Variants in UBE3D observed in about 807,000 individuals in gnomAD.
The protein encoded by UBE3D is ubiquitin protein ligase E3D.
UBE3D carries 48 observed loss-of-function variants against 49.6 expected under a neutral mutation model. The ratio of observed to expected loss-of-function variants is 0.97; its 90% CI spans 0.77 to 1.23. The LOEUF (loss-of-function observed/expected upper bound fraction) is 1.23, where lower values mean the gene tolerates loss of function less well. UBE3D is among the 50% of genes most tolerant of loss of function. The pLI is 0.00. For missense variants in UBE3D, 452 were observed against 468.4 expected (o/e 0.96, Z 0.32); for synonymous variants, 189 against 174.2 (o/e 1.08, Z -0.67).
chr6:82,930,456 T>C (rs771234635), intron 9 of UBE3D, among the ~76,000 whole-genome samples: 15 of 151,950 alleles, frequency 9.9e-5, no homozygotes, highest in Admixed American at 2.0e-4. Flanking sequence ...CAGAAGAAGA[T>C]AGGAAAATGT....
intron 8 of UBE3D, among the ~76,000 whole-genome samples, chr6:82,995,192 A>G (rs1191724628): frequency 6.6e-6 from 1 of 152,226 alleles, no homozygotes; most frequent in Non-Finnish European, 1.5e-5. Flanking sequence ...CCAAGAAGAA[A>G]CCATGAATAA....
intron 9 of UBE3D, among the ~76,000 whole-genome samples, chr6:82,940,803 G>C (rs1386792926): frequency 6.6e-6 from 1 of 152,182 alleles, no homozygotes; most frequent in Non-Finnish European, 1.5e-5. Context: ...ACAGAGGAAA[G>C]AGCAGAGTAT....
intron 3 of UBE3D, among the ~76,000 whole-genome samples, chr6:83,047,524 C>T (rs1027882619): frequency 6.6e-6 from 1 of 151,874 alleles, no homozygotes; most frequent in Non-Finnish European, 1.5e-5. Flanking sequence ...GGGGAGACAA[C>T]AGTCCCCAGA....
At chr6:82,992,661 C>T (rs1417184120) in intron 8 of UBE3D, among the ~76,000 whole-genome samples, 1 of 152,102 alleles carries the variant, frequency 6.6e-6, no homozygotes, top group East Asian at 1.9e-4. Flanking sequence ...GGGAAATGGG[C>T]ACTATGGGTC....
chr6:82,981,816 A>C (rs1778137588), intron 8 of UBE3D, among the ~76,000 whole-genome samples: 1 of 152,152 alleles, frequency 6.6e-6, no homozygotes, highest in South Asian at 2.1e-4. Flanking sequence ...AGGATATTTA[A>C]AAATTATTCT....
intron 9 of UBE3D, among the ~76,000 whole-genome samples, chr6:82,952,978 C>T (rs557371413): frequency 1.3e-5 from 2 of 152,302 alleles, no homozygotes; most frequent in African/African-American, 2.4e-5. Flanking sequence ...CTGGTTCCAA[C>T]CTGATTGCTT....
At chr6:82,975,417 A>T (rs564290559) in intron 8 of UBE3D, among the ~76,000 whole-genome samples, 23 of 152,202 alleles carry the variant, frequency 1.5e-4, no homozygotes, top group Non-Finnish European at 3.1e-4. Context: ...GTAAATGTAC[A>T]TAAAGAGGTG....
At chr6:82,948,565 A>G (rs1775566441) in intron 9 of UBE3D, among the ~76,000 whole-genome samples, 1 of 152,104 alleles carries the variant, frequency 6.6e-6, no homozygotes, top group African/African-American at 2.4e-5. Context: ...CATTAAAAAA[A>G]GAAAACTACA....
chr6:83,044,784 C>A, intron 3 of UBE3D, 125 bp from the exon 4 acceptor site: 1 of 783,856 alleles, frequency 1.3e-6, no homozygotes, highest in Non-Finnish European at 2.0e-6. Context: ...ATTTTTTCCC[C>A]AATTATAAAA....
intron 8 of UBE3D, among the ~76,000 whole-genome samples, chr6:82,958,819 T>A (rs867263506): frequency 5.3e-5 from 8 of 152,220 alleles, no homozygotes; most frequent in African/African-American, 4.8e-5. Context: ...TACATGGGGA[T>A]CTTTACAAGT....
intron 8 of UBE3D, among the ~76,000 whole-genome samples, chr6:82,962,424 C>T (rs576228006): frequency 1.3e-5 from 2 of 152,258 alleles, no homozygotes; most frequent in South Asian, 2.1e-4. Flanking sequence ...AGCCTAATTT[C>T]CTCACAGGAC....
intron 3 of UBE3D, among the ~76,000 whole-genome samples, chr6:83,052,424 C>T (rs1316580173): frequency 6.6e-6 from 1 of 152,134 alleles, no homozygotes; most frequent in East Asian, 1.9e-4. Context: ...AACACCTAAA[C>T]CAACCCAGGG....
chr6:82,911,573 C>T (rs1001322567), intron 9 of UBE3D, among the ~76,000 whole-genome samples: 1 of 152,118 alleles, frequency 6.6e-6, no homozygotes. Context: ...CCCATAGCAA[C>T]CTTTTAAACT....
At chr6:83,018,565 G>A (rs148021561) in intron 8 of UBE3D, 72 of 174,464 alleles carry the variant, frequency 4.1e-4, no homozygotes, top group African/African-American at 1.2e-3. Context: ...AGTAAGAGAC[G>A]TAAGAATCTG....
chr6:83,043,169 A>G (rs73481055), intron 4 of UBE3D, among the ~76,000 whole-genome samples: 6,417 of 152,316 alleles, frequency 0.042, 383 homozygotes, highest in African/African-American at 0.12. Context: ...TGTGATGAAT[A>G]TATTTCAGCA....
At chr6:83,036,920 A>G (rs1782303263) in intron 5 of UBE3D, 1 of 152,096 alleles carries the variant, frequency 6.6e-6, no homozygotes, top group African/African-American at 2.4e-5. Flanking sequence ...TTGTTGAACA[A>G]CGACATAACC....
chr6:82,990,689 G>A (rs922200482), intron 8 of UBE3D, among the ~76,000 whole-genome samples: 5 of 152,052 alleles, frequency 3.3e-5, no homozygotes, highest in African/African-American at 7.2e-5. Flanking sequence ...GTTACTGAGC[G>A]CTAGATGAAT....
chr6:82,944,177 C>T (rs1019256287), intron 9 of UBE3D, among the ~76,000 whole-genome samples: 2 of 152,166 alleles, frequency 1.3e-5, no homozygotes, highest in Admixed American at 6.5e-5. Flanking sequence ...CAACTCTAGG[C>T]AACACAACTC....
intron 9 of UBE3D, among the ~76,000 whole-genome samples, chr6:82,940,507 G>A (rs946456321): frequency 6.6e-6 from 1 of 152,166 alleles, no homozygotes; most frequent in African/African-American, 2.4e-5. Context: ...CACATCCAGG[G>A]ACCCGAAGGT....
Sources: allele counts gnomAD v4.1 joint callset (sites outside exome capture counted in the v4.1 genomes callset), GRCh38; gene constraint gnomAD v4.1.1; transcripts MANE v1.5; gene names NCBI Gene and HGNC (gene_info 2026-07-23, HGNC 2026-07-21).